The following PARD3B variants were observed in gnomAD, a reference collection of about 807,000 sequenced individuals.
PARD3B encodes the protein par-3 family cell polarity regulator beta.
PARD3B carries 103 observed loss-of-function variants against 130.2 expected under a neutral mutation model. The ratio of observed to expected loss-of-function variants is 0.79; its 90% CI spans 0.67 to 0.93. The LOEUF is 0.93. Among genes scored for constraint, PARD3B ranks in the 40% least tolerant of loss-of-function variants. PARD3B has a pLI of 0.00. For synonymous variants in PARD3B, 583 were observed against 553.2 expected (o/e 1.05, Z -0.76); for missense variants, 1,609 against 1,499.2 (o/e 1.07, Z -1.21).
At chr2:205,149,137 G>T (rs2033573399) in intron 10 of PARD3B, among the ~76,000 whole-genome samples, 1 of 152,158 alleles carries the variant, frequency 6.6e-6, no homozygotes, top group South Asian at 2.1e-4. Flanking sequence ...TGTCTCCCCA[G>T]TCATCCATCT....
At chr2:205,115,630 G>C (rs559986220) in intron 6 of PARD3B, among the ~76,000 whole-genome samples, 1 of 152,272 alleles carries the variant, frequency 6.6e-6, no homozygotes, top group African/African-American at 2.4e-5. Context: ...CATTAAAAAT[G>C]CTATGGAAGT....
At chr2:204,865,162 C>T (rs934780661) in intron 2 of PARD3B, among the ~76,000 whole-genome samples, 1 of 152,046 alleles carries the variant, frequency 6.6e-6, no homozygotes, top group East Asian at 1.9e-4. Context: ...AACACTTTTA[C>T]ACTGTTGGGG....
intron 5 of PARD3B, among the ~76,000 whole-genome samples, chr2:205,108,711 G>A (rs1703411373): frequency 6.6e-6 from 1 of 151,984 alleles, no homozygotes; most frequent in Non-Finnish European, 1.5e-5. Flanking sequence ...ACCCTCCTCT[G>A]AAACACATCA....
intron 18 of PARD3B, among the ~76,000 whole-genome samples, chr2:205,354,630 C>A (rs1323995115): frequency 1.3e-5 from 2 of 152,136 alleles, no homozygotes; most frequent in Non-Finnish European, 2.9e-5. Flanking sequence ...ATCCTCATTT[C>A]TTGATGAAGA....
intron 3 of PARD3B, among the ~76,000 whole-genome samples, chr2:204,969,916 C>T (rs183351763): frequency 8.6e-5 from 13 of 150,396 alleles, no homozygotes; most frequent in African/African-American, 2.2e-4. Flanking sequence ...CTTCTCATCC[C>T]GTGTGTGTGT....
At chr2:204,697,210 C>A (rs893557792) in intron 2 of PARD3B, among the ~76,000 whole-genome samples, 1 of 152,026 alleles carries the variant, frequency 6.6e-6, no homozygotes, top group East Asian at 1.9e-4. Context: ...GGTAAAATGA[C>A]GTGTTCTAAA....
intron 3 of PARD3B, among the ~76,000 whole-genome samples, chr2:205,024,849 A>G (rs1370728708): frequency 1.3e-5 from 2 of 152,246 alleles, no homozygotes; most frequent in East Asian, 3.8e-4. Context: ...AACCATAAAC[A>G]GCATGCCCTC....
At chr2:204,816,950 T>C (rs2043169970) in intron 2 of PARD3B, among the ~76,000 whole-genome samples, 3 of 152,118 alleles carry the variant, frequency 2.0e-5, no homozygotes, top group Admixed American at 6.6e-5. Flanking sequence ...TTGTTTCATA[T>C]GATTTCTATT....
intron 2 of PARD3B, among the ~76,000 whole-genome samples, chr2:204,702,170 T>C (rs144743542): frequency 6.6e-6 from 1 of 152,336 alleles, no homozygotes; most frequent in African/African-American, 2.4e-5. Flanking sequence ...GTTGATTCCA[T>C]GTCTTTGCTA....
intron 11 of PARD3B, among the ~76,000 whole-genome samples, chr2:205,161,900 TC>T (rs1216371744): frequency 9.2e-5 from 14 of 152,352 alleles, no homozygotes; most frequent in Admixed American, 8.5e-4. Context: ...ACCAAATTCT[TC>T]CTGTGCATTC....
intron 22 of PARD3B, among the ~76,000 whole-genome samples, chr2:205,578,188 C>G (rs530969069): frequency 2.6e-4 from 39 of 152,306 alleles, no homozygotes; most frequent in African/African-American, 9.1e-4. Flanking sequence ...CCCACAGACT[C>G]CACTCCTCTC....
At chr2:205,326,834 G>C (rs115178046) in intron 18 of PARD3B, among the ~76,000 whole-genome samples, 4 of 152,084 alleles carry the variant, frequency 2.6e-5, no homozygotes, top group Non-Finnish European at 5.9e-5. Flanking sequence ...GTACATTCTT[G>C]TACAGTAGTA....
chr2:205,519,155 T>A (rs2050923249), intron 21 of PARD3B, among the ~76,000 whole-genome samples: 1 of 152,254 alleles, frequency 6.6e-6, no homozygotes, highest in Admixed American at 6.5e-5. Context: ...GGGGAAGTTT[T>A]CATGGACAAT....
chr2:204,740,714 G>A (rs1182569905), intron 2 of PARD3B, among the ~76,000 whole-genome samples: 1 of 152,182 alleles, frequency 6.6e-6, no homozygotes, highest in Non-Finnish European at 1.5e-5. Context: ...CCTACATGTA[G>A]CCTCCTCATG....
At chr2:204,765,599 C>G (rs1437791794) in intron 2 of PARD3B, among the ~76,000 whole-genome samples, 5 of 152,142 alleles carry the variant, frequency 3.3e-5, no homozygotes, top group Non-Finnish European at 7.4e-5. Flanking sequence ...TTCTTCAAAA[C>G]AGCATATTTT....
At chr2:205,039,027 C>A (rs542443934) in intron 3 of PARD3B, among the ~76,000 whole-genome samples, 4 of 152,082 alleles carry the variant, frequency 2.6e-5, no homozygotes, top group Non-Finnish European at 5.9e-5. Context: ...GTGATCTCTT[C>A]TCAGTACTTT....
intron 2 of PARD3B, among the ~76,000 whole-genome samples, chr2:204,740,270 C>T (rs927098836): frequency 1.3e-5 from 2 of 152,040 alleles, no homozygotes; most frequent in Non-Finnish European, 2.9e-5. Flanking sequence ...GATCTGCCTG[C>T]CTTGGCCTCC....
chr2:204,879,558 C>G (rs1009074272), intron 2 of PARD3B, among the ~76,000 whole-genome samples: 2 of 152,108 alleles, frequency 1.3e-5, no homozygotes, highest in African/African-American at 4.8e-5. Flanking sequence ...TATGGCAATG[C>G]TACACTCCTG....
At position 205,147,233 on chromosome 2, in the gene PARD3B, T is replaced by C. The variant is rs529607443; in HGVS notation, c.1435-11489T>C. On this transcript the variant is annotated intron_variant, in intron 10 of 22. Coordinates refer to ENST00000406610, the MANE Select transcript of PARD3B (RefSeq NM_001302769.2). ...TTGTTATTTTTCATGACACAAAATA[T>C]TATATTCATTTCTTTAATCTTTATC... Among the ~76,000 whole-genome samples, 3 of 152,304 alleles carry C rather than the reference T, an allele frequency of 2.0e-5. No individual in the cohort carries two copies. In the East Asian group the frequency reaches 5.8e-4, roughly 29 times the overall value.
Sources: gnomAD v4.1 joint callset for allele counts (sites outside exome capture counted in the v4.1 genomes callset) on GRCh38, gnomAD v4.1.1 for gene constraint, MANE v1.5 for transcripts, NCBI Gene and HGNC (gene_info 2026-07-23, HGNC 2026-07-21) for gene names.